SMURF1: variants seen among roughly 807,000 people sequenced by gnomAD.
SMURF1 encodes E3 ubiquitin-protein ligase SMURF1.
In SMURF1, 44 loss-of-function variants were observed where a neutral mutation model predicts 98.0. That is an observed-to-expected ratio of 0.45 (90% CI 0.35 to 0.58). The LOEUF is 0.58. SMURF1 is among the 20% of genes least tolerant of loss of function. SMURF1 has a pLI of 0.00. For synonymous variants in SMURF1, 396 were observed against 374.9 expected (o/e 1.06, Z -0.65); for missense variants, 687 against 938.4 (o/e 0.73, Z 3.50).
chr7:99,080,907 C>T (rs879611547), intron 1 of SMURF1, among the ~76,000 whole-genome samples: 9 of 152,192 alleles, frequency 5.9e-5, no homozygotes, highest in Non-Finnish European at 1.2e-4. Flanking sequence ...TGCTGTGTGT[C>T]ACTTCCGGAC....
chr7:99,050,894 T>TG (rs57957340), intron 8 of SMURF1: 4,273 of 1,312,734 alleles, frequency 3.3e-3, no homozygotes, highest in East Asian at 4.5e-3. Context: ...TGTTATGGGG[T>TG]GGGGGGGGGG....
At position 99,143,775 on chromosome 7, in the gene SMURF1, C is replaced by T. The variant is rs1225317254; in HGVS notation, c.6G>A (p.Ser2=). The T allele has an allele frequency of 7.1e-6, 11 of 1,558,778 alleles. No individual in the cohort carries two copies. The highest frequency in any genetic ancestry group is 9.5e-6 in the Non-Finnish European group (11 of 1,155,526). Residue 2 remains serine (S), a synonymous_variant, in exon 1 of 18, where the codon TCG becomes TCA. Coordinates refer to ENST00000361368, the MANE Select transcript of SMURF1 (RefSeq NM_181349.3). ...AGCCGTTCCTGCGTGTCCCGGGGTT[C>T]GACATCTCCCGCCAACGATCGGGCA... M[S]NPGTRRNGSS... is the part of the protein sequence containing the mutation.
intron 1 of SMURF1, among the ~76,000 whole-genome samples, chr7:99,133,173 A>G (rs1486432195): frequency 1.3e-5 from 2 of 152,176 alleles, no homozygotes; most frequent in East Asian, 3.9e-4. Flanking sequence ...TCTGGATTGC[A>G]CCAATGTAAA....
intron 1 of SMURF1, among the ~76,000 whole-genome samples, chr7:99,110,287 A>G (rs772465978): frequency 3.0e-4 from 45 of 152,368 alleles, no homozygotes; most frequent in Non-Finnish European, 5.9e-4. Flanking sequence ...AAAGTTTTAT[A>G]TATGAAGGGT....
intron 1 of SMURF1, among the ~76,000 whole-genome samples, chr7:99,118,633 G>C (rs1298640719): frequency 6.6e-6 from 1 of 152,170 alleles, no homozygotes; most frequent in Non-Finnish European, 1.5e-5. Flanking sequence ...TAAAGCCTAG[G>C]GTTGGGGGAA....
Position 99,043,693 on chromosome 7 carries a change from C to T in SMURF1, c.1257-1461G>A, listed in dbSNP as rs1369765291. On this transcript the variant is annotated intron_variant, in intron 11 of 17. Transcript: ENST00000361368. ...CACATATTTACAGAGACAAGTGTTC[C>T]GCTGTGTGTTAGGTGCTGTTCTAGG... Among the ~76,000 whole-genome samples, 11 of 152,280 alleles carry T rather than the reference C, an allele frequency of 7.2e-5. 1 individual carries two copies. In the South Asian group the frequency reaches 1.0e-3, roughly 14 times the overall value.
At chr7:99,126,530 C>T (rs1007332941) in intron 1 of SMURF1, among the ~76,000 whole-genome samples, 1 of 151,930 alleles carries the variant, frequency 6.6e-6, no homozygotes, top group Non-Finnish European at 1.5e-5. Context: ...GTGGCATGTG[C>T]CTGTAGTCCC....
At chr7:99,119,003 A>ATTTTTTTT (rs67705340) in intron 1 of SMURF1, among the ~76,000 whole-genome samples, 2 of 42,930 alleles carry the variant, frequency 4.7e-5, no homozygotes, top group African/African-American at 2.2e-4. Context: ...TAACATGCCA[A>ATTTTTTTT]TTTTTTTTTT....
intron 1 of SMURF1, among the ~76,000 whole-genome samples, chr7:99,127,251 G>A (rs541446438): frequency 6.6e-6 from 1 of 152,292 alleles, no homozygotes; most frequent in East Asian, 1.9e-4. Context: ...AGGAAACAGA[G>A]AAATCCCTGA....
At chr7:99,039,196 A>T (rs1795274125) in intron 13 of SMURF1, among the ~76,000 whole-genome samples, 2 of 117,324 alleles carry the variant, frequency 1.7e-5, no homozygotes, top group African/African-American at 3.5e-5. Context: ...TCTGTCTCAA[A>T]AAAAAAAAAA....
At chr7:99,094,975 TCA>T (rs1796914223) in intron 1 of SMURF1, among the ~76,000 whole-genome samples, 1 of 152,210 alleles carries the variant, frequency 6.6e-6, no homozygotes, top group African/African-American at 2.4e-5. Context: ...GGCCCAGGGC[TCA>T]GAGTTCCACT....
chr7:99,035,189 C>T (rs1306079453), intron 16 of SMURF1, among the ~76,000 whole-genome samples: 1 of 152,218 alleles, frequency 6.6e-6, no homozygotes, highest in Non-Finnish European at 1.5e-5. Flanking sequence ...GCTCCCTCCC[C>T]GGGATCTTGG....
chr7:99,104,145 C>T (rs1797147620), intron 1 of SMURF1, among the ~76,000 whole-genome samples: 1 of 152,114 alleles, frequency 6.6e-6, no homozygotes, highest in Non-Finnish European at 1.5e-5. Flanking sequence ...CCTCGGCCTC[C>T]CAAAGTGCTG....
At chr7:99,097,720 C>T (rs538956388) in intron 1 of SMURF1, among the ~76,000 whole-genome samples, 13 of 152,198 alleles carry the variant, frequency 8.5e-5, no homozygotes, top group African/African-American at 3.1e-4. Context: ...TGAATGGCTT[C>T]GAAGACAGTA....
chr7:99,074,711 A>T (rs560482922), intron 1 of SMURF1, among the ~76,000 whole-genome samples: 103 of 144,094 alleles, frequency 7.1e-4, no homozygotes, highest in African/African-American at 2.2e-3. Flanking sequence ...AACTCAATTT[A>T]AAAAAAAAAC....
At chr7:99,128,938 G>T (rs1797802226) in intron 1 of SMURF1, among the ~76,000 whole-genome samples, 1 of 152,190 alleles carries the variant, frequency 6.6e-6, no homozygotes, top group Admixed American at 6.5e-5. Context: ...CAGAATAAAT[G>T]AGTGATTATT....
At chr7:99,034,100 G>A (rs2150493603) in intron 16 of SMURF1, among the ~76,000 whole-genome samples, 1 of 152,312 alleles carries the variant, frequency 6.6e-6, no homozygotes, top group Admixed American at 6.5e-5. Context: ...CCTGGGACAG[G>A]AAGCTGGCTC....
chr7:99,031,644 G>A (rs896704665), intron 17 of SMURF1, among the ~76,000 whole-genome samples: 5 of 152,192 alleles, frequency 3.3e-5, no homozygotes, highest in Non-Finnish European at 5.9e-5. Flanking sequence ...CGTAATGGAC[G>A]CCACAGCCAT....
chr7:99,090,410 G>A (rs1442851566), intron 1 of SMURF1, among the ~76,000 whole-genome samples: 2 of 152,128 alleles, frequency 1.3e-5, no homozygotes, highest in Non-Finnish European at 2.9e-5. Flanking sequence ...TTGGAAGGTG[G>A]CATTTTGCTG....
Sources: allele counts gnomAD v4.1 joint callset (sites outside exome capture counted in the v4.1 genomes callset), GRCh38; gene constraint gnomAD v4.1.1; transcripts MANE v1.5; gene names NCBI Gene and HGNC (gene_info 2026-07-23, HGNC 2026-07-21).